MINDY2: variants seen among roughly 807,000 people sequenced by gnomAD.
The protein encoded by MINDY2 is MINDY lysine 48 deubiquitinase 2, also known as ubiquitin carboxyl-terminal hydrolase MINDY-2.
Under a neutral mutation model 68.2 loss-of-function variants are expected in MINDY2, and 52 were observed. The ratio of observed to expected loss-of-function variants is 0.76; its 90% confidence interval spans 0.61 to 0.96. The LOEUF (loss-of-function observed/expected upper bound fraction) is 0.96. MINDY2 is among the 40% of genes least tolerant of loss of function. MINDY2 has a pLI of 0.00. For synonymous variants in MINDY2, 372 were observed against 303.0 expected (o/e 1.23, Z -2.36); for missense variants, 881 against 773.4 (o/e 1.14, Z -1.65).
chr15:58,822,168 C>T (rs1054803583), intron 5 of MINDY2, among the ~76,000 whole-genome samples: 2 of 151,666 alleles, frequency 1.3e-5, no homozygotes, highest in Non-Finnish European at 2.9e-5. Context: ...GCAGGAGAAT[C>T]GCTTGAACCC....
At position 58,859,662 on chromosome 15, in the gene MINDY2, A is replaced by AT. The variant is rs2033161553; in HGVS notation, c.*5053dup. ...CAAATTGCAAAATAGCGATAATGGC[A>AT]TGGGAGAGGCCAGATGCAGGACTCT... On this transcript the variant is annotated 3_prime_UTR_variant, in exon 9 of 9. Coordinates refer to ENST00000559228, the MANE Select transcript of MINDY2 (RefSeq NM_001040450.3). 1 of 152,210 alleles carries AT rather than the reference A, an allele frequency of 6.6e-6. No homozygotes were observed. The highest frequency in any genetic ancestry group is 2.4e-5 in the African/African-American group (1 of 41,446). The allele number at this position is 152,210 out of a possible 1,614,324, so 9.4% of individuals were successfully genotyped here. A position where few individuals can be genotyped will look rare whatever the true frequency, so the allele number is the denominator to read the frequency against.
chr15:58,806,004 G>A (rs1902980195), intron 3 of MINDY2, among the ~76,000 whole-genome samples: 1 of 152,224 alleles, frequency 6.6e-6, no homozygotes, highest in South Asian at 2.1e-4. Flanking sequence ...AACCCAGGAG[G>A]TGGAGGTTGC....
intron 6 of MINDY2, among the ~76,000 whole-genome samples, chr15:58,842,408 A>G (rs1213094040): frequency 6.6e-6 from 1 of 152,190 alleles, no homozygotes. Context: ...TTAAAGAAAT[A>G]AATTTGTTTA....
At position 58,855,674 on chromosome 15, in the gene MINDY2, A is replaced by G. The variant is rs561641280; in HGVS notation, c.*1064A>G. On this transcript the variant is annotated 3_prime_UTR_variant, in exon 9 of 9. Coordinates refer to ENST00000559228, the MANE Select transcript of MINDY2 (RefSeq NM_001040450.3). ...AGTGGCTCACGCCTGTAATCCCAAC[A>G]TTTTGGGAGGCCAAGGTGGGCGGAT... is the stretch of plus-strand genomic sequence containing the variant. The G allele has an allele frequency of 8.5e-5, 13 of 152,602 alleles. No individual in the cohort carries two copies. Among genetic ancestry groups the G allele is most frequent in the African/African-American group, 3.1e-4 (13 of 41,596 alleles). The allele number at this position is 152,602 out of a possible 1,614,324, so 9.5% of individuals were successfully genotyped here. A position where few individuals can be genotyped will look rare whatever the true frequency, so the allele number is the denominator to read the frequency against.
At chr15:58,805,144 CAT>C (rs1340912660) in intron 3 of MINDY2, among the ~76,000 whole-genome samples, 2 of 152,148 alleles carry the variant, frequency 1.3e-5, no homozygotes, top group African/African-American at 4.8e-5. Context: ...TTCTCATAAA[CAT>C]ATCAGGCAAA....
intron 2 of MINDY2, among the ~76,000 whole-genome samples, chr15:58,794,556 A>G (rs1225865314): frequency 6.6e-6 from 1 of 152,102 alleles, no homozygotes; most frequent in Non-Finnish European, 1.5e-5. Flanking sequence ...AGGTCAGGAG[A>G]TAACTGCAAC....
At chr15:58,788,825 C>T (rs1339041812) in intron 2 of MINDY2, among the ~76,000 whole-genome samples, 1 of 151,762 alleles carries the variant, frequency 6.6e-6, no homozygotes, top group African/African-American at 2.4e-5. Flanking sequence ...GCCTGGCCAA[C>T]ATGGTGAAAC....
chr15:58,776,091 C>A (rs1900753696), intron 1 of MINDY2, among the ~76,000 whole-genome samples: 1 of 152,028 alleles, frequency 6.6e-6, no homozygotes, highest in African/African-American at 2.4e-5. Flanking sequence ...AACTCCTGAC[C>A]TCAGGTGATC....
intron 2 of MINDY2, among the ~76,000 whole-genome samples, chr15:58,798,252 G>C (rs956613120): frequency 1.3e-5 from 2 of 151,646 alleles, no homozygotes; most frequent in African/African-American, 4.8e-5. Flanking sequence ...GAGCAGCTGG[G>C]ATTACAGGCG....
intron 8 of MINDY2, among the ~76,000 whole-genome samples, chr15:58,852,864 C>T (rs1188299380): frequency 1.4e-5 from 2 of 140,116 alleles, no homozygotes; most frequent in African/African-American, 5.3e-5. Flanking sequence ...AATCTCATTT[C>T]ATTAAGTTAA....
At chr15:58,822,415 G>A (rs189314417) in intron 5 of MINDY2, among the ~76,000 whole-genome samples, 4 of 152,246 alleles carry the variant, frequency 2.6e-5, no homozygotes, top group African/African-American at 9.6e-5. Flanking sequence ...AGAGGTTACT[G>A]ATAATTACTT....
At chr15:58,791,162 A>T (rs1230078118) in intron 2 of MINDY2, among the ~76,000 whole-genome samples, 1 of 141,134 alleles carries the variant, frequency 7.1e-6, no homozygotes, top group Non-Finnish European at 1.6e-5. Context: ...CCTGGACAAC[A>T]GAGTGAGACT....
chr15:58,811,662 A>G (rs1212813885), intron 4 of MINDY2, among the ~76,000 whole-genome samples: 1 of 152,206 alleles, frequency 6.6e-6, no homozygotes, highest in Admixed American at 6.5e-5. Context: ...GGGAAAGAGC[A>G]TAGGTAATAC....
At chr15:58,797,291 G>C (rs1902345739) in intron 2 of MINDY2, among the ~76,000 whole-genome samples, 1 of 152,120 alleles carries the variant, frequency 6.6e-6, no homozygotes, top group South Asian at 2.1e-4. Flanking sequence ...CAGATCACTT[G>C]AGCTCAGGAG....
intron 5 of MINDY2, among the ~76,000 whole-genome samples, chr15:58,823,964 C>G (rs1161366177): frequency 2.0e-5 from 3 of 152,104 alleles, no homozygotes; most frequent in Non-Finnish European, 4.4e-5. Context: ...CTACGGAATC[C>G]TTCTTTTTCA....
rs550064724 is a variant in MINDY2 at position 58,854,985 on chromosome 15, C to G, written c.*375C>G. ...TGGAGGTAATTGATTTAGTCTGATT[C>G]CTTCCTGAAATCTAAATATTAGCAC... On this transcript the variant is annotated 3_prime_UTR_variant, in exon 9 of 9. Transcript: ENST00000559228. 6.5e-6 allele frequency: 1 copy of G among 154,586 alleles called. No individual in the cohort carries two copies. Among genetic ancestry groups the G allele is most frequent in the African/African-American group, 2.4e-5 (1 of 41,582 alleles). 9.6% of individuals were successfully genotyped at this position (154,586 alleles called of 1,614,324 possible).
At chr15:58,854,404 A>G in intron 8 of MINDY2, 78 bp from the exon 9 acceptor site, 3 of 1,501,206 alleles carry the variant, frequency 2.0e-6, no homozygotes, top group Non-Finnish European at 2.7e-6. Flanking sequence ...CCACTGTTAC[A>G]GTTTTCCTTT....
At chr15:58,796,430 C>G (rs1277454030) in intron 2 of MINDY2, among the ~76,000 whole-genome samples, 1 of 152,220 alleles carries the variant, frequency 6.6e-6, no homozygotes, top group Admixed American at 6.5e-5. Flanking sequence ...GCAAGACAGT[C>G]TTGTGAGCCA....
Position 58,854,814 on chromosome 15 carries a change from A to T in MINDY2, c.*204A>T. On this transcript the variant is annotated 3_prime_UTR_variant, in exon 9 of 9. Coordinates refer to ENST00000559228, the MANE Select transcript of MINDY2 (RefSeq NM_001040450.3). ...TCTTTATGAGCTGGAGTTTCATGTT[A>T]CAAGTTGGAAATGCTGTGTGTTGAC... 1 of 426,120 alleles carries T rather than the reference A, an allele frequency of 2.3e-6. No individual in the cohort carries two copies. Among genetic ancestry groups the T allele is most frequent in the Non-Finnish European group, 4.0e-6 (1 of 247,598 alleles). The allele number at this position is 426,120 out of a possible 1,614,324, so 26.4% of individuals were successfully genotyped here.
Sources: allele counts gnomAD v4.1 joint callset (sites outside exome capture counted in the v4.1 genomes callset), GRCh38; gene constraint gnomAD v4.1.1; transcripts MANE v1.5; gene names NCBI Gene and HGNC (gene_info 2026-07-23, HGNC 2026-07-21).